Variants in TMEM170B observed in about 807,000 individuals in gnomAD.
TMEM170B encodes the protein transmembrane protein 170B.
Under a neutral mutation model 13.0 loss-of-function variants are expected in TMEM170B, and 6 were observed. The observed-to-expected ratio is 0.46, with a 90% CI of 0.25 to 0.91. The LOEUF is 0.91. Among genes scored for constraint, TMEM170B ranks in the 40% least tolerant of loss-of-function variants. TMEM170B has a pLI of 0.17. For missense variants in TMEM170B, 138 were observed against 165.2 expected (o/e 0.84, Z 0.90); for synonymous variants, 61 against 64.9 (o/e 0.94, Z 0.29).
At chr6:11,542,983 T>G (rs1404956692) in intron 1 of TMEM170B, among the ~76,000 whole-genome samples, 1 of 152,208 alleles carries the variant, frequency 6.6e-6, no homozygotes, top group Non-Finnish European at 1.5e-5. Flanking sequence ...GAGCTGGGCT[T>G]TAGACCCAAG....
In TMEM170B at chr6:11,581,716, G is replaced by T. The variant is rs1332795188; in HGVS notation, c.*6155G>T. 1 of 152,088 alleles carries T rather than the reference G, an allele frequency of 6.6e-6. No individual in the cohort carries two copies. Among genetic ancestry groups the T allele is most frequent in the East Asian group, 1.9e-4 (1 of 5,206 alleles). The allele number at this position is 152,088 out of a possible 1,614,324, so 9.4% of individuals were successfully genotyped here. A position where few individuals can be genotyped will look rare whatever the true frequency, so the allele number is the denominator to read the frequency against. ...TTAAGCAGAAATCACTTTTTTTAGAGCCTTGTTTAAAGGAACGTTAACTCG... is the reference window on the plus strand; with the variant it reads ...TTAAGCAGAAATCACTTTTTTTAGATCCTTGTTTAAAGGAACGTTAACTCG... On this transcript the variant is annotated 3_prime_UTR_variant, in exon 3 of 3. Transcript: ENST00000379426.
Position 11,538,247 on chromosome 6 carries a change from A to G in TMEM170B, c.-31A>G. ...AGCCGCCGCCGCCGCCCGGCACCCG[A>G]GGAGAGGGCGGCGGGCGCCCCTCGG... On this transcript the variant is annotated 5_prime_UTR_variant, in exon 1 of 3. Coordinates refer to ENST00000379426, the MANE Select transcript of TMEM170B (RefSeq NM_001100829.3). 8.0e-7 allele frequency: 1 copy of G among 1,243,108 alleles called. No individual in the cohort carries two copies. The highest frequency in any genetic ancestry group is 1.0e-6 in the Non-Finnish European group (1 of 979,234). The allele number at this position is 1,243,108 out of a possible 1,614,324, so 77.0% of individuals were successfully genotyped here.
chr6:11,560,204 G>A (rs1015546062), intron 1 of TMEM170B, among the ~76,000 whole-genome samples: 11 of 150,888 alleles, frequency 7.3e-5, no homozygotes, highest in East Asian at 3.9e-4. Flanking sequence ...TTGCTGTGTC[G>A]CCCAGGCTGG....
At chr6:11,543,137 T>C (rs967550934) in intron 1 of TMEM170B, among the ~76,000 whole-genome samples, 3 of 152,248 alleles carry the variant, frequency 2.0e-5, no homozygotes, top group African/African-American at 7.2e-5. Context: ...TCAATTACGT[T>C]ATAATTTGTA....
At chr6:11,554,027 C>T (rs1759557704) in intron 1 of TMEM170B, among the ~76,000 whole-genome samples, 1 of 152,094 alleles carries the variant, frequency 6.6e-6, no homozygotes, top group South Asian at 2.1e-4. Context: ...CTTGACTTTG[C>T]ATTATTTGCA....
chr6:11,564,511 A>G (rs142593562), intron 1 of TMEM170B, among the ~76,000 whole-genome samples: 1 of 152,356 alleles, frequency 6.6e-6, no homozygotes, highest in African/African-American at 2.4e-5. Context: ...ATGTTTGCAT[A>G]TCAAGGATGA....
rs76140838 is a variant in TMEM170B at position 11,538,331 on chromosome 6, C to T, written c.54C>T (p.Val18=). The T allele has an allele frequency of 0.014, 21,280 of 1,508,406 alleles. 193 individuals carry two copies. The highest frequency in any genetic ancestry group is 0.034 in the Middle Eastern group (198 of 5,888). 93.4% of individuals were successfully genotyped at this position (1,508,406 alleles called of 1,614,324 possible). The part of the protein sequence containing the change: ...HSMINLSVQQ[V]LSLWAHGTVL... Reference sequence around the variant, plus strand: ...TGATCAACCTGTCGGTGCAGCAGGTCCTGAGCCTCTGGGCCCACGGGACGG... The same window carrying T: ...TGATCAACCTGTCGGTGCAGCAGGTTCTGAGCCTCTGGGCCCACGGGACGG... The change falls in exon 1 of 3, where the codon GTC becomes GTT. Residue 18 remains valine, a synonymous_variant. Transcript: ENST00000379426.
intron 1 of TMEM170B, among the ~76,000 whole-genome samples, chr6:11,559,059 A>C (rs1759626606): frequency 6.6e-6 from 1 of 152,148 alleles, no homozygotes; most frequent in African/African-American, 2.4e-5. Context: ...CAGCTCTGCC[A>C]TTGTAGCTTG....
intron 2 of TMEM170B, among the ~76,000 whole-genome samples, chr6:11,569,525 G>T (rs539222643): frequency 6.6e-6 from 1 of 152,140 alleles, no homozygotes; most frequent in Non-Finnish European, 1.5e-5. Context: ...CAGGCTAGTG[G>T]TCTCTGTCAC....
intron 1 of TMEM170B, among the ~76,000 whole-genome samples, chr6:11,546,489 C>G (rs749133680): frequency 9.9e-5 from 15 of 152,284 alleles, no homozygotes; most frequent in Admixed American, 6.5e-4. Context: ...AAGTCTACAG[C>G]AGTGTACAGT....
At chr6:11,554,056 G>T (rs1373655328) in intron 1 of TMEM170B, among the ~76,000 whole-genome samples, 1 of 152,006 alleles carries the variant, frequency 6.6e-6, no homozygotes, top group Non-Finnish European at 1.5e-5. Context: ...GGTTATGCTT[G>T]TATTTCCTGA....
At position 11,571,291 on chromosome 6, in the gene TMEM170B, T is replaced by G. The variant is rs562806572; in HGVS notation, c.269-4140T>G. ...CCCTTGAACTTCTGAGCTCCAGTGA[T>G]CCTCCCAACTCAGCCTCCTGAGTCG... On this transcript the variant is annotated intron_variant, in intron 2 of 2. Transcript: ENST00000379426. 2.6e-5 allele frequency among the ~76,000 whole-genome samples: 4 copies of G among 152,102 alleles called. No homozygotes were observed. In the South Asian group the frequency reaches 6.2e-4, roughly 24 times the overall value.
Position 11,578,196 on chromosome 6 carries a change from A to G in TMEM170B, c.*2635A>G, listed in dbSNP as rs547840743. 1.6e-4 allele frequency: 24 copies of G among 152,120 alleles called. No homozygotes were observed. The highest frequency in any genetic ancestry group is 5.5e-4 in the African/African-American group (23 of 41,520). The allele number at this position is 152,120 out of a possible 1,614,324, so 9.4% of individuals were successfully genotyped here. On this transcript the variant is annotated 3_prime_UTR_variant, in exon 3 of 3. Coordinates refer to ENST00000379426, the MANE Select transcript of TMEM170B (RefSeq NM_001100829.3). ...GTTTGAAAATTTTGAATTTTGGGAAAATTTTCTTCACTTAATAGAGCTGGA... is the reference window on the plus strand; with the variant it reads ...GTTTGAAAATTTTGAATTTTGGGAAGATTTTCTTCACTTAATAGAGCTGGA...
intron 2 of TMEM170B, among the ~76,000 whole-genome samples, chr6:11,566,965 T>C (rs532500098): frequency 6.6e-6 from 1 of 152,352 alleles, no homozygotes; most frequent in East Asian, 1.9e-4. Context: ...TGAGATTTTA[T>C]TGGAAGCTAC....
chr6:11,547,756 A>G (rs1051237504), intron 1 of TMEM170B, among the ~76,000 whole-genome samples: 2 of 152,116 alleles, frequency 1.3e-5, no homozygotes, highest in Admixed American at 6.5e-5. Context: ...TTTGAATCAT[A>G]AATTCATATC....
rs1759854950 is a variant in TMEM170B, at chr6:11,575,017, A to G, written c.269-414A>G. ...AATATTTATTAATAATTTAGAAATT[A>G]CATTAAATTATGTTATTTTTCTGCA... On this transcript the variant is annotated intron_variant, in intron 2 of 2. Coordinates refer to ENST00000379426, the MANE Select transcript of TMEM170B (RefSeq NM_001100829.3). This position sits in a 1 kb window ranked among gnomAD's most constrained non-coding sequence, Gnocchi z 4.1. Among the ~76,000 whole-genome samples, 1 of 152,056 alleles carries G rather than the reference A, an allele frequency of 6.6e-6. No individual in the cohort carries two copies. The highest frequency in any genetic ancestry group is 1.5e-5 in the Non-Finnish European group (1 of 67,998).
intron 1 of TMEM170B, among the ~76,000 whole-genome samples, chr6:11,560,751 T>C (rs1325190084): frequency 1.3e-5 from 2 of 152,172 alleles, no homozygotes; most frequent in African/African-American, 4.8e-5. Flanking sequence ...TTCCATTTGG[T>C]TATATGTTTT....
chr6:11,549,674 AAG>A (rs1246221110), intron 1 of TMEM170B, among the ~76,000 whole-genome samples: 1 of 152,104 alleles, frequency 6.6e-6, no homozygotes, highest in Non-Finnish European at 1.5e-5. Flanking sequence ...AAAAAAAAAA[AAG>A]AAAAAAGAGG....
At chr6:11,553,372 TA>T (rs1759549109) in intron 1 of TMEM170B, among the ~76,000 whole-genome samples, 1 of 152,228 alleles carries the variant, frequency 6.6e-6, no homozygotes, top group East Asian at 1.9e-4. Flanking sequence ...AATCAAACAT[TA>T]AAAATGTTTA....
Sources: allele counts gnomAD v4.1 joint callset (sites outside exome capture counted in the v4.1 genomes callset), GRCh38; gene constraint gnomAD v4.1.1; non-coding constraint Gnocchi (gnomAD v3.1); transcripts MANE v1.5; gene names NCBI Gene and HGNC (gene_info 2026-07-23, HGNC 2026-07-21).